Variants in COL10A1 observed in about 807,000 individuals in gnomAD.
COL10A1 encodes collagen type X alpha 1 chain, also known as collagen alpha-1(X) chain.
A neutral mutation model predicts 18.2 loss-of-function variants in COL10A1; 10 were observed. That is an observed-to-expected ratio of 0.55 (90% confidence interval 0.34 to 0.93). COL10A1 has a LOEUF of 0.93. Ranked by LOEUF, COL10A1 falls within the 40% of genes least tolerant of loss-of-function variation. The pLI, the probability that COL10A1 is intolerant of heterozygous loss-of-function variation, is 0.02. For synonymous variants in COL10A1, 330 were observed against 316.6 expected (o/e 1.04, Z -0.45); for missense variants, 897 against 853.5 (o/e 1.05, Z -0.64).
At chr6:116,143,776 T>C (rs1779822875) in intron 1 of COL10A1, among the ~76,000 whole-genome samples, 1 of 152,212 alleles carries the variant, frequency 6.6e-6, no homozygotes, top group African/African-American at 2.4e-5. Flanking sequence ...GTCAACAAAA[T>C]TAGCTATAGT....
chr6:116,156,268 A>G (rs1420118355), intron 1 of COL10A1, among the ~76,000 whole-genome samples: 1 of 152,026 alleles, frequency 6.6e-6, no homozygotes, highest in Non-Finnish European at 1.5e-5. Flanking sequence ...CCATTTCTCT[A>G]ATTTTCCGGC....
At chr6:116,149,663 A>G (rs1478630304) in intron 1 of COL10A1, among the ~76,000 whole-genome samples, 1 of 152,216 alleles carries the variant, frequency 6.6e-6, no homozygotes, top group African/African-American at 2.4e-5. Context: ...GGAGACACTG[A>G]ATTAAAAAGG....
chr6:116,163,221 C>T (rs1239255558), upstream of COL10A1, among the ~76,000 whole-genome samples: 1 of 147,106 alleles, frequency 6.8e-6, no homozygotes, highest in African/African-American at 2.5e-5. Flanking sequence ...CTGTGAATTC[C>T]CCTGGTCCTG....
the COL10A1 span, among the ~76,000 whole-genome samples, chr6:116,203,389 A>G: frequency 6.6e-6 from 1 of 151,950 alleles, no homozygotes; most frequent in African/African-American, 2.4e-5. Context: ...CCTTCTAGCC[A>G]ACATCCCTTT....
chr6:116,120,004 T>G lies in COL10A1; in HGVS notation c.*69A>C. 6.9e-6 allele frequency: 9 copies of G among 1,306,576 alleles called. No homozygotes were observed. Among genetic ancestry groups the G allele is most frequent in the Non-Finnish European group, 1.0e-5 (9 of 902,374 alleles). 80.9% of individuals were successfully genotyped at this position (1,306,576 alleles called of 1,614,324 possible). A position where few individuals can be genotyped will look rare whatever the true frequency, so the allele number is the denominator to read the frequency against. On this transcript the variant is annotated 3_prime_UTR_variant, in exon 3 of 3. Transcript: ENST00000651968. ...TCTTTTCAGCCTACCTCCATATGCA[T>G]TTTGTAGGGTGGGGTAGAGTTAGAG... is the stretch of plus-strand genomic sequence containing the variant.
rs558704595 is a variant in COL10A1, at chr6:116,121,251, T to C, written c.865A>G (p.Ile289Val). ...CCAGGAGGCCCTGGGGGCCCAGCTA[T>C]TCCTGGAGCCCCAGGGAGACCTTTT... ...GTKGLPGAPG[I>V]AGPPGPPGFG... The change falls in exon 3 of 3, where the codon ATA becomes GTA. Residue 289 changes from isoleucine to valine, a missense_variant. Physicochemically the swap from Ile to Val is conservative, Grantham distance 29. Coordinates refer to ENST00000651968, the MANE Select transcript of COL10A1 (RefSeq NM_000493.4). 5.6e-5 allele frequency: 90 copies of C among 1,613,786 alleles called. No individual in the cohort carries two copies. In the South Asian group the frequency reaches 9.1e-4, roughly 16 times the overall value.
chr6:116,136,715 T>A (rs991873153), intron 1 of COL10A1, among the ~76,000 whole-genome samples: 1 of 152,198 alleles, frequency 6.6e-6, no homozygotes, highest in Admixed American at 6.5e-5. Context: ...TATGCTGTTA[T>A]CATGAGTTTG....
chr6:116,127,762 G>A (rs1363588331), upstream of COL10A1, among the ~76,000 whole-genome samples: 1 of 152,088 alleles, frequency 6.6e-6, no homozygotes, highest in African/African-American at 2.4e-5. Context: ...CACACATACT[G>A]CTATTTGCTT....
At chr6:116,187,331 T>A in the COL10A1 span, among the ~76,000 whole-genome samples, 1 of 152,040 alleles carries the variant, frequency 6.6e-6, no homozygotes, top group African/African-American at 2.4e-5. Flanking sequence ...ACCAAAATTT[T>A]AACAAGTTTC....
At chr6:116,209,241 A>G in the COL10A1 span, among the ~76,000 whole-genome samples, 1 of 151,982 alleles carries the variant, frequency 6.6e-6, no homozygotes, top group Admixed American at 6.6e-5. Flanking sequence ...GACAAAATCA[A>G]GGCTATTATA....
rs1779141415 is a variant in COL10A1, at chr6:116,121,848, G to T, written c.268C>A (p.Leu90Ile). 1 of 1,613,966 alleles carries T rather than the reference G, an allele frequency of 6.2e-7. No homozygotes were observed. The highest frequency in any genetic ancestry group is 2.2e-5 in the East Asian group (1 of 44,870). ...PGKPGYGSPG[L>I]QGEPGLPGPP... ...CCTGGCAACCCTGGCTCTCCTTGGA[G>T]TCCAGGACTTCCGTAGCCTGGTTTT... The change falls in exon 3 of 3, where the codon CTC (leucine) becomes ATC (isoleucine). Residue 90 changes from leucine to isoleucine, a missense_variant. Coordinates refer to ENST00000651968, the MANE Select transcript of COL10A1 (RefSeq NM_000493.4).
chr6:116,159,305 C>A (rs1413896167), upstream of COL10A1, among the ~76,000 whole-genome samples: 2 of 152,040 alleles, frequency 1.3e-5, no homozygotes, highest in African/African-American at 4.8e-5. Context: ...ACATAACTTT[C>A]TTTTTCCATA....
At chr6:116,186,954 C>T in the COL10A1 span, among the ~76,000 whole-genome samples, 1 of 152,014 alleles carries the variant, frequency 6.6e-6, no homozygotes, top group Non-Finnish European at 1.5e-5. Context: ...TGTCATATTA[C>T]CAGAATTGTT....
the COL10A1 span, among the ~76,000 whole-genome samples, chr6:116,190,956 A>G: frequency 0.025 from 3,796 of 152,038 alleles, 145 homozygotes; most frequent in African/African-American, 0.086. Context: ...CAGAACTGGA[A>G]AAGACTTGAG....
At chr6:116,146,278 T>C (rs1779896002) in intron 1 of COL10A1, among the ~76,000 whole-genome samples, 2 of 152,228 alleles carry the variant, frequency 1.3e-5, no homozygotes, top group Admixed American at 1.3e-4. Flanking sequence ...TTATCTAGGC[T>C]TCAGAACAAA....
chr6:116,201,896 C>T, the COL10A1 span, among the ~76,000 whole-genome samples: 1 of 151,890 alleles, frequency 6.6e-6, no homozygotes. Flanking sequence ...TATTTGGATC[C>T]AAATGCCACA....
the COL10A1 span, among the ~76,000 whole-genome samples, chr6:116,187,661 G>A: frequency 1.3e-5 from 2 of 152,016 alleles, no homozygotes; most frequent in African/African-American, 4.8e-5. Flanking sequence ...AATCTATGTA[G>A]AAATTCATAA....
chr6:116,193,292 G>A, the COL10A1 span, among the ~76,000 whole-genome samples: 3 of 151,990 alleles, frequency 2.0e-5, no homozygotes, highest in Non-Finnish European at 2.9e-5. Context: ...TTCCTTATAG[G>A]AGTGCTGTGA....
At chr6:116,170,531 A>T in the COL10A1 span, among the ~76,000 whole-genome samples, 1 of 152,228 alleles carries the variant, frequency 6.6e-6, no homozygotes, top group Non-Finnish European at 1.5e-5. Context: ...AAGTGTACGT[A>T]AAGTACCTGA....
Sources: gnomAD v4.1 joint callset for allele counts (sites outside exome capture counted in the v4.1 genomes callset) on GRCh38, gnomAD v4.1.1 for gene constraint, MANE v1.5 for transcripts, NCBI Gene and HGNC (gene_info 2026-07-23, HGNC 2026-07-21) for gene names.